SLC44A2: variants seen among roughly 807,000 people sequenced by gnomAD.
The protein encoded by SLC44A2 is solute carrier family 44 member 2 (CTL2 blood group), also known as choline transporter-like protein 2.
A neutral mutation model predicts 90.8 loss-of-function variants in SLC44A2; 57 were observed. That is an observed-to-expected ratio of 0.63 (90% CI 0.51 to 0.78). The LOEUF (loss-of-function observed/expected upper bound fraction) is 0.78, where lower values mean the gene tolerates loss of function less well. SLC44A2 is among the 30% of genes least tolerant of loss of function. The pLI, the probability that SLC44A2 is intolerant of heterozygous loss-of-function variation, is 0.00. For missense variants in SLC44A2, 794 were observed against 919.7 expected (o/e 0.86, Z 1.77); for synonymous variants, 355 against 360.7 (o/e 0.98, Z 0.18).
intron 20 of SLC44A2, among the ~76,000 whole-genome samples, chr19:10,642,134 G>A (rs2067122629): frequency 6.6e-6 from 1 of 150,544 alleles, no homozygotes; most frequent in Non-Finnish European, 1.5e-5. Context: ...TCCAGTCTGG[G>A]CAACAGAGTG....
chr19:10,604,308 G>C (rs1918039853), intron 1 of SLC44A2, among the ~76,000 whole-genome samples: 1 of 152,226 alleles, frequency 6.6e-6, no homozygotes, highest in Admixed American at 6.5e-5. Context: ...GGGGAAGTGT[G>C]TTTCACACAG....
chr19:10,605,557 T>C (rs1017960439), intron 1 of SLC44A2, among the ~76,000 whole-genome samples: 2 of 151,496 alleles, frequency 1.3e-5, no homozygotes, highest in Non-Finnish European at 2.9e-5. Flanking sequence ...AAAAAATTAG[T>C]GTACCTATAG....
upstream of SLC44A2, among the ~76,000 whole-genome samples, chr19:10,621,433 TTTTTTTTTGG>T (rs1568446178): frequency 7.0e-6 from 1 of 143,382 alleles, no homozygotes; most frequent in African/African-American, 2.6e-5. Flanking sequence ...TTTTTTTTTT[TTTTTTTTTGG>T]TTTTTGTGGG....
chr19:10,627,380 A>G (rs1379798892), intron 2 of SLC44A2, among the ~76,000 whole-genome samples: 1 of 151,486 alleles, frequency 6.6e-6, no homozygotes, highest in African/African-American at 2.4e-5. Flanking sequence ...TACAGAATGT[A>G]TATAAATTAA....
At chr19:10,602,701 G>A in intron 1 of SLC44A2, 1 of 758,288 alleles carries the variant, frequency 1.3e-6, no homozygotes, top group Non-Finnish European at 1.8e-6. Flanking sequence ...ATCCGACACT[G>A]CGCGGATCCC....
At chr19:10,640,107 CT>C (rs1481416227) in intron 20 of SLC44A2, among the ~76,000 whole-genome samples, 4 of 24,038 alleles carry the variant, frequency 1.7e-4, no homozygotes, top group Admixed American at 1.3e-3. Context: ...TTTTTTTTTT[CT>C]GCGATAGAGC....
intron 1 of SLC44A2, among the ~76,000 whole-genome samples, chr19:10,617,167 G>A (rs1008972986): frequency 1.4e-4 from 7 of 50,528 alleles, no homozygotes; most frequent in East Asian, 8.8e-4. Context: ...TGATCCGCCC[G>A]CCTGGGGCTC....
Position 10,642,405 on chromosome 19 carries a change from C to T in SLC44A2, c.1968C>T (p.Phe656=), listed in dbSNP as rs1308751982. ...GCTCCTACTTGATTGCACACGGTTT[C>T]TTCAGCGTCTATGGCATGTGTGTGG... The part of the protein sequence containing the change: ...IVGSYLIAHG[F]FSVYGMCVDT... The change falls in exon 21 of 22, where the codon TTC becomes TTT. Residue 656 remains phenylalanine (F), a synonymous_variant. Coordinates refer to ENST00000335757, the MANE Select transcript of SLC44A2 (RefSeq NM_020428.4). 4 of 1,614,070 alleles carry T rather than the reference C, an allele frequency of 2.5e-6. No individual in the cohort carries two copies. Among genetic ancestry groups the T allele is most frequent in the Non-Finnish European group, 3.4e-6 (4 of 1,180,038 alleles).
chr19:10,612,188 TG>T (rs374618825), intron 1 of SLC44A2, among the ~76,000 whole-genome samples: 1 of 151,674 alleles, frequency 6.6e-6, no homozygotes, highest in East Asian at 1.9e-4. Context: ...GGCAACATAG[TG>T]AGACCCTGTT....
At position 10,632,961 on chromosome 19, in the gene SLC44A2, C is replaced by T. The variant is rs144472761; in HGVS notation, c.823+805C>T. Among the ~76,000 whole-genome samples the T allele has an allele frequency of 1.3e-3, 191 of 152,046 alleles. 1 individual carries two copies. The highest frequency in any genetic ancestry group is 4.5e-3 in the African/African-American group (185 of 41,506). ...TGCTAGGATTACAGGCAGGAGCCAC[C>T]GCGCCCGGACTGCTTCAATTTATTT... is the stretch of plus-strand genomic sequence containing the variant. On this transcript the variant is annotated intron_variant, in intron 10 of 21. Coordinates refer to ENST00000335757, the MANE Select transcript of SLC44A2 (RefSeq NM_020428.4).
rs754794499 is a variant in SLC44A2, at chr19:10,642,412, G to A, written c.1975G>A (p.Val659Ile). The change falls in exon 21 of 22, where the codon GTC (valine) becomes ATC (isoleucine). Residue 659 changes from valine (V) to isoleucine (I), a missense_variant. Physicochemically the swap from Val to Ile is conservative, Grantham distance 29. Transcript: ENST00000335757. ...SYLIAHGFFS[V>I]YGMCVDTLFL... is the part of the protein sequence containing the mutation. Reference sequence around the variant, plus strand: ...CTTGATTGCACACGGTTTCTTCAGCGTCTATGGCATGTGTGTGGACACGCT... The same window carrying A: ...CTTGATTGCACACGGTTTCTTCAGCATCTATGGCATGTGTGTGGACACGCT... 3.3e-5 allele frequency: 54 copies of A among 1,614,042 alleles called. No individual in the cohort carries two copies. The highest frequency in any genetic ancestry group is 5.5e-5 in the South Asian group (5 of 91,088).
At chr19:10,643,188 T>C in intron 21 of SLC44A2, 91 bp from the exon 22 acceptor site, 2 of 1,497,822 alleles carry the variant, frequency 1.3e-6, no homozygotes, top group East Asian at 2.5e-5. Context: ...CCTCTGAGGC[T>C]TCTCTGTGAC....
At chr19:10,640,612 A>G (rs904423523) in intron 20 of SLC44A2, among the ~76,000 whole-genome samples, 1 of 152,208 alleles carries the variant, frequency 6.6e-6, no homozygotes, top group Non-Finnish European at 1.5e-5. Context: ...ACTTCAGTCA[A>G]CAAATGTTTA....
In SLC44A2 at chr19:10,626,204, C is replaced by T. The variant is rs756149836; in HGVS notation, c.38-49C>T. 2.0e-6 allele frequency: 3 copies of T among 1,495,608 alleles called. No homozygotes were observed. In the South Asian group the frequency reaches 3.4e-5, roughly 17 times the overall value. 92.6% of individuals were successfully genotyped at this position (1,495,608 alleles called of 1,614,324 possible). A position where few individuals can be genotyped will look rare whatever the true frequency, so the allele number is the denominator to read the frequency against. On this transcript the variant is annotated intron_variant, in intron 1 of 21. Transcript: ENST00000335757. ...TGGGAGGGGGCTCTCCCAGCCCTGTCTTGGTTCAGGTCTCCAATCCCATCC... is the reference window on the plus strand; with the variant it reads ...TGGGAGGGGGCTCTCCCAGCCCTGTTTTGGTTCAGGTCTCCAATCCCATCC...
intron 1 of SLC44A2, among the ~76,000 whole-genome samples, chr19:10,604,474 A>G (rs149721833): frequency 6.6e-6 from 1 of 152,324 alleles, no homozygotes; most frequent in African/African-American, 2.4e-5. Context: ...GGACTGGCCC[A>G]TGACGTCCCT....
Position 10,643,627 on chromosome 19 carries a change from T to A in SLC44A2, c.*242T>A, listed in dbSNP as rs116639546. On this transcript the variant is annotated 3_prime_UTR_variant, in exon 22 of 22. Coordinates refer to ENST00000335757, the MANE Select transcript of SLC44A2 (RefSeq NM_020428.4). ...ACTGCGAGAAACAAGTAAAAACCCA[T>A]TGGGGCCTCTTGATGTCTGGGATGG... 5.3e-6 allele frequency: 2 copies of A among 375,080 alleles called. No individual in the cohort carries two copies. The highest frequency in any genetic ancestry group is 9.8e-6 in the Non-Finnish European group (2 of 205,076). The allele number at this position is 375,080 out of a possible 1,614,324, so 23.2% of individuals were successfully genotyped here. A position where few individuals can be genotyped will look rare whatever the true frequency, so the allele number is the denominator to read the frequency against.
At chr19:10,608,309 C>T (rs937555004) in intron 1 of SLC44A2, among the ~76,000 whole-genome samples, 2 of 152,108 alleles carry the variant, frequency 1.3e-5, no homozygotes, top group African/African-American at 4.8e-5. Flanking sequence ...GATCCTCCCG[C>T]CTCAGCCTCC....
chr19:10,613,496 C>T (rs2066830278), intron 1 of SLC44A2, among the ~76,000 whole-genome samples: 1 of 152,122 alleles, frequency 6.6e-6, no homozygotes, highest in Admixed American at 6.6e-5. Flanking sequence ...AGTAATCTGC[C>T]TGCCTTGACT....
At chr19:10,626,711 C>A (rs2066938370) in intron 2 of SLC44A2, among the ~76,000 whole-genome samples, 1 of 151,808 alleles carries the variant, frequency 6.6e-6, no homozygotes, top group Admixed American at 6.6e-5. Context: ...TGTGAGTTAC[C>A]ACACCTGGCC....
Sources: gnomAD v4.1 joint callset for allele counts (sites outside exome capture counted in the v4.1 genomes callset) on GRCh38, gnomAD v4.1.1 for gene constraint, MANE v1.5 for transcripts, NCBI Gene and HGNC (gene_info 2026-07-23, HGNC 2026-07-21) for gene names.